MYOCD: variants seen among roughly 807,000 people sequenced by gnomAD.
MYOCD encodes the protein myocardin.
In MYOCD, 32 loss-of-function variants were observed where a neutral mutation model predicts 96.1. The observed-to-expected ratio is 0.33, with a 90% CI of 0.25 to 0.45. The LOEUF (loss-of-function observed/expected upper bound fraction) is 0.45. Ranked by LOEUF, MYOCD falls within the 20% of genes least tolerant of loss-of-function variation. The pLI, the probability that MYOCD is intolerant of heterozygous loss-of-function variation, is 1.00. For synonymous variants in MYOCD, 469 were observed against 469.0 expected (o/e 1.00, Z 0.00); for missense variants, 1,133 against 1,200.6 (o/e 0.94, Z 0.83).
chr17:12,713,421 C>A (rs867564052), intron 2 of MYOCD, among the ~76,000 whole-genome samples: 69 of 152,132 alleles, frequency 4.5e-4, no homozygotes, highest in Admixed American at 5.9e-4. Context: ...CAGTTAAAAC[C>A]AATTGTGTTT....
chr17:12,683,233 G>C (rs2029895788), intron 1 of MYOCD, among the ~76,000 whole-genome samples: 1 of 152,146 alleles, frequency 6.6e-6, no homozygotes, highest in Non-Finnish European at 1.5e-5. Flanking sequence ...TCTGGCTTGA[G>C]GGATGCCCAT....
intron 1 of MYOCD, among the ~76,000 whole-genome samples, chr17:12,704,428 A>G (rs1459835231): frequency 6.6e-6 from 1 of 152,198 alleles, no homozygotes; most frequent in Non-Finnish European, 1.5e-5. Context: ...ATAGATACGT[A>G]ATATTGGGAA....
chr17:12,725,665 T>A (rs1313033101), intron 5 of MYOCD, among the ~76,000 whole-genome samples: 1 of 150,590 alleles, frequency 6.6e-6, no homozygotes, highest in African/African-American at 2.4e-5. Context: ...TATTATATTA[T>A]ATGTATTATA....
chr17:12,693,513 G>A lies in MYOCD; in HGVS notation c.56-11615G>A, dbSNP rs997414572. ...TAATCCCAGCTACTCAGGAGGCTGA[G>A]GCAGGAGATTCGCTTGAACCTGGGA... is the stretch of plus-strand genomic sequence containing the variant. On this transcript the variant is annotated intron_variant, in intron 1 of 13. Coordinates refer to ENST00000425538, the MANE Select transcript of MYOCD (RefSeq NM_001146312.3). Among the ~76,000 whole-genome samples, 13 of 152,106 alleles carry A rather than the reference G, an allele frequency of 8.5e-5. No individual in the cohort carries two copies. The South Asian group carries it at 2.7e-3, about 32-fold the overall frequency.
chr17:12,716,615 G>A (rs1168337328), intron 3 of MYOCD, among the ~76,000 whole-genome samples: 4 of 152,100 alleles, frequency 2.6e-5, no homozygotes, highest in Middle Eastern at 3.2e-3. Flanking sequence ...AGAGGCATAC[G>A]TTGTCATGTT....
At chr17:12,696,470 G>A (rs1227562571) in intron 1 of MYOCD, among the ~76,000 whole-genome samples, 1 of 150,332 alleles carries the variant, frequency 6.7e-6, no homozygotes, top group Non-Finnish European at 1.5e-5. Flanking sequence ...GTAATACTGT[G>A]TTTACTATTT....
chr17:12,756,337 G>A (rs1362500510), intron 10 of MYOCD, 77 bp from the exon 11 acceptor site: 6 of 1,493,414 alleles, frequency 4.0e-6, no homozygotes, highest in Non-Finnish European at 5.5e-6. Context: ...CACAGGGCAG[G>A]AACCAGAATT....
At chr17:12,686,306 A>G (rs999166674) in intron 1 of MYOCD, among the ~76,000 whole-genome samples, 1 of 152,238 alleles carries the variant, frequency 6.6e-6, no homozygotes, top group African/African-American at 2.4e-5. Context: ...GAAGCTGCAG[A>G]GGTGTCTCAG....
At chr17:12,756,340 C>A in intron 10 of MYOCD, 74 bp from the exon 11 acceptor site, 1 of 1,504,744 alleles carries the variant, frequency 6.6e-7, no homozygotes, top group Non-Finnish European at 9.0e-7. Context: ...AGGGCAGGAA[C>A]CAGAATTGTC....
chr17:12,737,322 C>T (rs1176433449), intron 6 of MYOCD, among the ~76,000 whole-genome samples: 1 of 152,198 alleles, frequency 6.6e-6, no homozygotes, highest in Admixed American at 6.5e-5. Flanking sequence ...TAAGTGCTCA[C>T]TCTGGGCCAG....
rs78054910 is a variant in MYOCD, at chr17:12,738,986, C to A, written c.592-217C>A. ...ATGTATATATGTATATACACATAAA[C>A]ATATTTATATGTGTATACACATGTA... On this transcript the variant is annotated intron_variant, in intron 6 of 13. Transcript: ENST00000425538. Among the ~76,000 whole-genome samples the A allele has an allele frequency of 6.0e-3, 908 of 152,066 alleles. 16 individuals are homozygous for A. The highest frequency in any genetic ancestry group is 0.032 in the East Asian group (163 of 5,158).
intron 5 of MYOCD, among the ~76,000 whole-genome samples, chr17:12,726,616 G>C (rs1481042425): frequency 6.6e-6 from 1 of 152,142 alleles, no homozygotes; most frequent in African/African-American, 2.4e-5. Flanking sequence ...ATGGAAGGGG[G>C]ATCCTGGTTT....
intron 7 of MYOCD, among the ~76,000 whole-genome samples, chr17:12,740,610 C>T (rs772718379): frequency 1.2e-4 from 18 of 152,160 alleles, no homozygotes; most frequent in Non-Finnish European, 2.4e-4. Context: ...TTTGCACTTG[C>T]GACTCGTGCT....
chr17:12,714,931 T>C (rs960666153), intron 2 of MYOCD, among the ~76,000 whole-genome samples: 6 of 152,330 alleles, frequency 3.9e-5, no homozygotes, highest in South Asian at 2.1e-4. Context: ...TTCCCCATTC[T>C]GTTCACGGTT....
Position 12,753,208 on chromosome 17 carries a change from G to T in MYOCD, c.1920G>T (p.Leu640=), listed in dbSNP as rs1375566857. The change falls in exon 10 of 14, where the codon CTG becomes CTT. Residue 640 remains leucine, a synonymous_variant. Coordinates refer to ENST00000425538, the MANE Select transcript of MYOCD (RefSeq NM_001146312.3). ...AGTGTTCCCCTCAGCATTCACCGCTGGGGGCTGTGAAAAGCCCACAGCACA... is the reference window on the plus strand; with the variant it reads ...AGTGTTCCCCTCAGCATTCACCGCTTGGGGCTGTGAAAAGCCCACAGCACA... The part of the protein sequence containing the change: ...SPQCSPQHSP[L]GAVKSPQHIS... The T allele has an allele frequency of 6.2e-7, 1 of 1,613,972 alleles. No individual in the cohort carries two copies. The highest frequency in any genetic ancestry group is 1.3e-5 in the African/African-American group (1 of 74,900).
chr17:12,759,617 G>A (rs1356460123), intron 12 of MYOCD, among the ~76,000 whole-genome samples: 2 of 152,054 alleles, frequency 1.3e-5, no homozygotes, highest in Non-Finnish European at 2.9e-5. Flanking sequence ...AACATCAGCC[G>A]ATTCTTCAGT....
intron 1 of MYOCD, among the ~76,000 whole-genome samples, chr17:12,686,930 C>G (rs1436493079): frequency 6.6e-6 from 1 of 152,148 alleles, no homozygotes; most frequent in Non-Finnish European, 1.5e-5. Flanking sequence ...GGAGAAAGAG[C>G]CATGTTGGTG....
intron 7 of MYOCD, among the ~76,000 whole-genome samples, chr17:12,743,737 C>G (rs369221305): frequency 6.6e-6 from 1 of 152,066 alleles, no homozygotes; most frequent in East Asian, 1.9e-4. Context: ...AGGTGATCCA[C>G]CCGCCTCGGC....
chr17:12,715,547 G>A lies in MYOCD; in HGVS notation c.150G>A (p.Glu50=), dbSNP rs2031613499. The change falls in exon 3 of 14, where the codon GAG becomes GAA. Residue 50 remains glutamate (E), a synonymous_variant. Transcript: ENST00000425538. ...TGAAACGTCCAGCTGAATTCCATGA[G>A]CAAAGAAAACATTTGGATAGTGACA... is the stretch of plus-strand genomic sequence containing the variant. ...PPLKRPAEFH[E]QRKHLDSDKA... The A allele has an allele frequency of 1.2e-6, 2 of 1,613,440 alleles. No individual in the cohort carries two copies. The highest frequency in any genetic ancestry group is 1.7e-6 in the Non-Finnish European group (2 of 1,179,704).
Sources: gnomAD v4.1 joint callset for allele counts (sites outside exome capture counted in the v4.1 genomes callset) on GRCh38, gnomAD v4.1.1 for gene constraint, MANE v1.5 for transcripts, NCBI Gene and HGNC (gene_info 2026-07-23, HGNC 2026-07-21) for gene names.